CPED1: variants seen among roughly 807,000 people sequenced by gnomAD.
CPED1 encodes the protein cadherin like and PC-esterase domain containing 1, also known as cadherin-like and PC-esterase domain-containing protein 1.
CPED1 carries 114 observed loss-of-function variants against 128.2 expected under a neutral mutation model. The observed-to-expected ratio is 0.89, with a 90% CI of 0.76 to 1.04. The LOEUF (loss-of-function observed/expected upper bound fraction) is 1.04. Ranked by LOEUF, CPED1 falls within the 50% of genes least tolerant of loss-of-function variation. CPED1 has a pLI of 0.00. For missense variants in CPED1, 1,211 were observed against 1,207.1 expected (o/e 1.00, Z -0.05); for synonymous variants, 462 against 426.7 (o/e 1.08, Z -1.02).
chr7:121,067,998 T>C (rs1454347650), intron 5 of CPED1, among the ~76,000 whole-genome samples: 1 of 152,256 alleles, frequency 6.6e-6, no homozygotes, highest in East Asian at 1.9e-4. Flanking sequence ...GAGTTCTTTG[T>C]AGATTCTGGA....
At chr7:121,225,254 A>C (rs974387156) in intron 16 of CPED1, among the ~76,000 whole-genome samples, 9 of 152,110 alleles carry the variant, frequency 5.9e-5, no homozygotes, top group African/African-American at 2.2e-4. Context: ...ACTGGATATG[A>C]AATTCTGGGT....
At chr7:121,112,360 C>T (rs920601888) in intron 7 of CPED1, among the ~76,000 whole-genome samples, 1 of 152,058 alleles carries the variant, frequency 6.6e-6, no homozygotes, top group Non-Finnish European at 1.5e-5. Flanking sequence ...AAGAGAAAGT[C>T]AGAGAGAGAT....
rs1394961627 is a variant in CPED1 at position 121,054,672 on chromosome 7, T to TTC, written c.540+7680_540+7681insCT. On this transcript the variant is annotated intron_variant, in intron 4 of 22. Transcript: ENST00000310396. ...CACTGCAAATCAGGGTTGAGGTTTT[T>TTC]TTTTTTTAATTTGCATGTAGTAAAA... Among the ~76,000 whole-genome samples, 7 of 151,774 alleles carry TTC rather than the reference T, an allele frequency of 4.6e-5. No homozygotes were observed. The East Asian group carries it at 1.4e-3, about 29-fold the overall frequency.
intron 16 of CPED1, among the ~76,000 whole-genome samples, chr7:121,233,935 T>C (rs967547302): frequency 6.6e-5 from 10 of 152,024 alleles, no homozygotes; most frequent in Admixed American, 2.0e-4. Flanking sequence ...GGCCACAAGA[T>C]GGCTGCTCAT....
intron 16 of CPED1, chr7:121,149,461 G>C (rs1240631085): frequency 6.6e-6 from 1 of 152,194 alleles, no homozygotes; most frequent in African/African-American, 2.4e-5. Flanking sequence ...CTTACGATCA[G>C]ATAGATTACC....
intron 18 of CPED1, chr7:121,261,690 T>C (rs1202613624): frequency 8.7e-6 from 14 of 1,610,046 alleles, no homozygotes; most frequent in Non-Finnish European, 6.8e-6. Flanking sequence ...AATCCAGTCA[T>C]CCTGGGACCC....
At chr7:121,136,016 A>G (rs745402331) in intron 13 of CPED1, 24 bp from the exon 14 acceptor site, 3 of 1,468,982 alleles carry the variant, frequency 2.0e-6, no homozygotes, top group Non-Finnish European at 2.7e-6. Flanking sequence ...TTTATTTTAA[A>G]TTTACATTTC....
At chr7:121,037,550 T>G (rs1275960099) in intron 3 of CPED1, among the ~76,000 whole-genome samples, 4 of 152,208 alleles carry the variant, frequency 2.6e-5, no homozygotes, top group Non-Finnish European at 4.4e-5. Flanking sequence ...GGCCTTATAG[T>G]ATAGTTTGAA....
At chr7:121,268,666 ACACT>A (rs531600947) in intron 21 of CPED1, among the ~76,000 whole-genome samples, 1 of 151,938 alleles carries the variant, frequency 6.6e-6, no homozygotes, top group Non-Finnish European at 1.5e-5. Context: ...ACACACATTC[ACACT>A]CACAACACCA....
Position 121,047,683 on chromosome 7 carries a change from T to C in CPED1, c.540+690T>C, listed in dbSNP as rs1456336402. 6.0e-3 allele frequency among the ~76,000 whole-genome samples: 233 copies of C among 39,106 alleles called. 1 individual carries two copies. The highest frequency in any genetic ancestry group is 0.022 in the African/African-American group (199 of 9,076). 25.7% of individuals were successfully genotyped at this position (39,106 alleles called of 152,430 possible). On this transcript the variant is annotated intron_variant, in intron 4 of 22. Coordinates refer to ENST00000310396, the MANE Select transcript of CPED1 (RefSeq NM_024913.5). ...CTTCTTCTTCTTCTTCTTCTTCTTC[T>C]TCTTCTTCTTCTTCTTCTTCTTCTT...
At chr7:121,110,183 A>C (rs1390545534) in intron 7 of CPED1, among the ~76,000 whole-genome samples, 2 of 152,144 alleles carry the variant, frequency 1.3e-5, no homozygotes, top group Non-Finnish European at 2.9e-5. Context: ...CTATGAGTTA[A>C]ATTAGCCTTT....
intron 16 of CPED1, among the ~76,000 whole-genome samples, chr7:121,235,973 A>G (rs949484433): frequency 6.6e-6 from 1 of 152,144 alleles, no homozygotes; most frequent in African/African-American, 2.4e-5. Flanking sequence ...CCCAGTGAGA[A>G]GAGTGGCAGT....
intron 18 of CPED1, among the ~76,000 whole-genome samples, chr7:121,256,111 C>CAAAAAAAAA (rs1286167648): frequency 4.4e-4 from 15 of 34,128 alleles, no homozygotes; most frequent in African/African-American, 1.4e-3. Flanking sequence ...CAATCCTAAG[C>CAAAAAAAAA]AAAAAAAAAA....
chr7:121,198,760 A>G (rs528118320), intron 16 of CPED1, among the ~76,000 whole-genome samples: 36 of 152,142 alleles, frequency 2.4e-4, no homozygotes, highest in Non-Finnish European at 4.4e-4. Flanking sequence ...TGATTTCACA[A>G]ATATGGCATG....
At chr7:121,207,188 A>T (rs1345482825) in intron 16 of CPED1, among the ~76,000 whole-genome samples, 1 of 151,980 alleles carries the variant, frequency 6.6e-6, no homozygotes, top group Admixed American at 6.6e-5. Flanking sequence ...TGCTACCATA[A>T]ATATTCCTAC....
At chr7:121,093,535 C>T (rs897254220) in intron 5 of CPED1, among the ~76,000 whole-genome samples, 6 of 151,966 alleles carry the variant, frequency 3.9e-5, no homozygotes, top group African/African-American at 1.2e-4. Flanking sequence ...CTCTATTTGC[C>T]CCTCAGATTC....
chr7:121,013,261 A>G (rs1183741919), intron 2 of CPED1, among the ~76,000 whole-genome samples: 1 of 152,220 alleles, frequency 6.6e-6, no homozygotes, highest in Non-Finnish European at 1.5e-5. Context: ...CATTTATAAC[A>G]ATGGGGGAGA....
chr7:121,110,554 C>A (rs532545282), intron 7 of CPED1, among the ~76,000 whole-genome samples: 1 of 152,188 alleles, frequency 6.6e-6, no homozygotes, highest in East Asian at 1.9e-4. Flanking sequence ...AGCAAAAGGA[C>A]AATTCCAAAG....
chr7:121,129,364 A>G (rs1458278871), intron 11 of CPED1, among the ~76,000 whole-genome samples: 1 of 137,728 alleles, frequency 7.3e-6, no homozygotes, highest in Non-Finnish European at 1.6e-5. Context: ...TACATACACT[A>G]CTTGTATGAG....
Sources: allele counts gnomAD v4.1 joint callset (sites outside exome capture counted in the v4.1 genomes callset), GRCh38; gene constraint gnomAD v4.1.1; transcripts MANE v1.5; gene names NCBI Gene and HGNC (gene_info 2026-07-23, HGNC 2026-07-21).